The following VPS26A variants were observed in gnomAD, a reference collection of about 807,000 sequenced individuals.
VPS26A encodes VPS26 retromer complex component A, also known as vacuolar protein sorting-associated protein 26A.
In VPS26A, 22 loss-of-function variants were observed where a neutral mutation model predicts 42.4. The ratio of observed to expected loss-of-function variants is 0.52; its 90% CI spans 0.37 to 0.74. The LOEUF (loss-of-function observed/expected upper bound fraction) is 0.74, where lower values mean the gene tolerates loss of function less well. Among genes scored for constraint, VPS26A ranks in the 30% least tolerant of loss-of-function variants. VPS26A has a pLI of 0.00. For synonymous variants in VPS26A, 110 were observed against 123.5 expected (o/e 0.89, Z 0.73); for missense variants, 276 against 379.2 (o/e 0.73, Z 2.26).
In VPS26A at chr10:69,155,773, A is replaced by G. The variant is rs777470746; in HGVS notation, c.154-39A>G. On this transcript the variant is annotated intron_variant, in intron 2 of 8. Coordinates refer to ENST00000263559, the MANE Select transcript of VPS26A (RefSeq NM_004896.5). Reference sequence around the variant, plus strand: ...GGAAGCTACTAGTAGGCCCACTCATAGGATTGTTAACATCTCTTATAATTT... The same window carrying G: ...GGAAGCTACTAGTAGGCCCACTCATGGGATTGTTAACATCTCTTATAATTT... The G allele has an allele frequency of 2.3e-5, 35 of 1,530,464 alleles. No individual in the cohort carries two copies. In the South Asian group the frequency reaches 2.5e-4, roughly 11 times the overall value. The allele number at this position is 1,530,464 out of a possible 1,614,324, so 94.8% of individuals were successfully genotyped here.
intron 2 of VPS26A, among the ~76,000 whole-genome samples, chr10:69,133,834 A>G: frequency 6.6e-6 from 1 of 152,114 alleles, no homozygotes. Context: ...CTACAGGCAC[A>G]CACCACCACT....
At chr10:69,131,429 AT>A (rs1196523104) in intron 1 of VPS26A, among the ~76,000 whole-genome samples, 1 of 151,734 alleles carries the variant, frequency 6.6e-6, no homozygotes, top group Admixed American at 6.6e-5. Context: ...CTCTACAAAA[AT>A]TTTTTTAAAA....
At position 69,172,876 on chromosome 10, in the gene VPS26A, T is replaced by G. The variant is rs1841847418; in HGVS notation, c.*1607T>G. On this transcript the variant is annotated 3_prime_UTR_variant, in exon 9 of 9. Transcript: ENST00000263559. ...TGAAACAGAAACTGAGCTTGCTGTTTGCATGATTAAAATAGCTCTGTTCTC... is the reference window on the plus strand; with the variant it reads ...TGAAACAGAAACTGAGCTTGCTGTTGGCATGATTAAAATAGCTCTGTTCTC... The G allele has an allele frequency of 2.0e-5, 3 of 152,398 alleles. No homozygotes were observed. Among genetic ancestry groups the G allele is most frequent in the Admixed American group, 6.5e-5 (1 of 15,290 alleles). The allele number at this position is 152,398 out of a possible 1,614,324, so 9.4% of individuals were successfully genotyped here. A position where few individuals can be genotyped will look rare whatever the true frequency, so the allele number is the denominator to read the frequency against.
At chr10:69,168,343 C>T (rs1376662401) in intron 7 of VPS26A, 146 bp from the exon 8 acceptor site, 1 of 882,560 alleles carries the variant, frequency 1.1e-6, no homozygotes, top group African/African-American at 1.7e-5. Context: ...AATATCAGTA[C>T]TACTGAGGAT....
rs553590646 is a variant in VPS26A, at chr10:69,140,368, TCTC to T, written c.153+7324_153+7326del. 2.0e-3 allele frequency among the ~76,000 whole-genome samples: 303 copies of T among 151,364 alleles called. 2 individuals are homozygous for T. The highest frequency in any genetic ancestry group is 6.9e-3 in the African/African-American group (282 of 41,148). On this transcript the variant is annotated intron_variant, in intron 2 of 8. Coordinates refer to ENST00000263559, the MANE Select transcript of VPS26A (RefSeq NM_004896.5). ...AGATGTGAGCCACTGCACCCGACCT[TCTC>T]CTGAACTTTTTGTCTTTTCGTGATA...
Position 69,133,067 on chromosome 10 carries a change from A to G in VPS26A, c.153+20A>G, listed in dbSNP as rs772897696. 1 of 1,602,420 alleles carries G rather than the reference A, an allele frequency of 6.2e-7. No individual in the cohort carries two copies. Among genetic ancestry groups the G allele is most frequent in the Non-Finnish European group, 8.5e-7 (1 of 1,176,470 alleles). On this transcript the variant is annotated intron_variant, in intron 2 of 8. Transcript: ENST00000263559. ...GGAAAGGTAAATCTTCTGTTTGACA[A>G]AACTATCTAATTGTAAGATATCAGA... is the stretch of plus-strand genomic sequence containing the variant.
chr10:69,163,141 T>G (rs1328654356), intron 6 of VPS26A, among the ~76,000 whole-genome samples: 3 of 152,242 alleles, frequency 2.0e-5, no homozygotes, highest in Non-Finnish European at 4.4e-5. Flanking sequence ...TTTATTGATA[T>G]ACTAAAATTG....
intron 1 of VPS26A, among the ~76,000 whole-genome samples, chr10:69,128,231 T>A (rs1349316153): frequency 6.6e-5 from 2 of 30,080 alleles, no homozygotes; most frequent in Admixed American, 4.1e-4. Flanking sequence ...TGGGATTTGA[T>A]TTTTTTTTTT....
intron 2 of VPS26A, among the ~76,000 whole-genome samples, chr10:69,137,646 TTAAC>T (rs1225332538): frequency 1.3e-5 from 2 of 152,060 alleles, no homozygotes; most frequent in African/African-American, 4.8e-5. Context: ...TCCCTTTTGA[TTAAC>T]TAAAAAAATC....
chr10:69,169,446 C>T (rs1255767441), intron 8 of VPS26A, among the ~76,000 whole-genome samples: 7 of 151,920 alleles, frequency 4.6e-5, no homozygotes. Flanking sequence ...GACAGAGTCT[C>T]GCTACAGGTT....
chr10:69,132,592 G>A (rs1353705820), intron 1 of VPS26A, among the ~76,000 whole-genome samples: 1 of 152,056 alleles, frequency 6.6e-6, no homozygotes, highest in Admixed American at 6.6e-5. Flanking sequence ...ACAGGCGCAT[G>A]CCACCACGCC....
chr10:69,134,663 G>T lies in VPS26A; in HGVS notation c.153+1616G>T, dbSNP rs978545816. ...AACTTAGATTTACCAGCCATGTGAG[G>T]TTATTTTTTTTTTTTGTACTGCATT... On this transcript the variant is annotated intron_variant, in intron 2 of 8. Coordinates refer to ENST00000263559, the MANE Select transcript of VPS26A (RefSeq NM_004896.5). Among the ~76,000 whole-genome samples, 4 of 151,548 alleles carry T rather than the reference G, an allele frequency of 2.6e-5. No individual in the cohort carries two copies. The South Asian group carries it at 6.2e-4, about 24-fold the overall frequency.
chr10:69,163,845 A>G (rs1297294063), intron 6 of VPS26A, among the ~76,000 whole-genome samples: 9 of 146,928 alleles, frequency 6.1e-5, no homozygotes, highest in Non-Finnish European at 3.0e-5. Context: ...GGCTCACTGC[A>G]AGCTCCGCCT....
chr10:69,173,603 C>T lies in VPS26A; in HGVS notation c.*2334C>T, dbSNP rs187688691. Among the ~76,000 whole-genome samples the T allele has an allele frequency of 6.2e-4, 94 of 152,298 alleles. No homozygotes were observed. The highest frequency in any genetic ancestry group is 1.1e-3 in the Non-Finnish European group (74 of 68,026). ...GGACTTGGAGAACTTTTCTGTCTTA[C>T]AAGGGGATTGTAGAATGCACCAATC... On this transcript the variant is annotated 3_prime_UTR_variant, in exon 9 of 9. Transcript: ENST00000263559.
intron 2 of VPS26A, among the ~76,000 whole-genome samples, chr10:69,146,789 A>G (rs1320481374): frequency 2.0e-5 from 3 of 152,208 alleles, no homozygotes; most frequent in East Asian, 1.9e-4. Flanking sequence ...ATTCTAATAT[A>G]TCCGTGTGGT....
At position 69,173,577 on chromosome 10, in the gene VPS26A, G is replaced by C. The variant is rs576925834; in HGVS notation, c.*2308G>C. Among the ~76,000 whole-genome samples, 5 of 152,326 alleles carry C rather than the reference G, an allele frequency of 3.3e-5. No individual in the cohort carries two copies. The highest frequency in any genetic ancestry group is 3.3e-4 in the Admixed American group (5 of 15,294). On this transcript the variant is annotated 3_prime_UTR_variant, in exon 9 of 9. Coordinates refer to ENST00000263559, the MANE Select transcript of VPS26A (RefSeq NM_004896.5). ...GCCAGCTGGACTTCTGAGTTGCGTG[G>C]GGACTTGGAGAACTTTTCTGTCTTA... is the stretch of plus-strand genomic sequence containing the variant.
chr10:69,130,530 T>A (rs1271074374), intron 1 of VPS26A, among the ~76,000 whole-genome samples: 1 of 152,232 alleles, frequency 6.6e-6, no homozygotes, highest in African/African-American at 2.4e-5. Flanking sequence ...ATACATTGTG[T>A]GTGTGTCTGT....
At chr10:69,162,579 ATT>A (rs1589363353) in intron 6 of VPS26A, 67 bp downstream of exon 6, 9 of 1,055,212 alleles carry the variant, frequency 8.5e-6, no homozygotes, top group Non-Finnish European at 1.2e-5. Context: ...ATCTTAAAAT[ATT>A]GTTTAAACAT....
intron 6 of VPS26A, 95 bp from the exon 7 acceptor site, chr10:69,165,946 TA>T (rs992045729): frequency 3.2e-3 from 3,641 of 1,155,156 alleles, no homozygotes; most frequent in South Asian, 3.9e-3. Context: ...ACACCGTCTC[TA>T]AAAAAAAATA....
Sources: gnomAD v4.1 joint callset for allele counts (sites outside exome capture counted in the v4.1 genomes callset) on GRCh38, gnomAD v4.1.1 for gene constraint, MANE v1.5 for transcripts, NCBI Gene and HGNC (gene_info 2026-07-23, HGNC 2026-07-21) for gene names.